ZFHX3: variants seen among roughly 807,000 people sequenced by gnomAD.
The protein encoded by ZFHX3 is zinc finger homeobox protein 3.
Under a neutral mutation model 279.1 loss-of-function variants are expected in ZFHX3, and 42 were observed. The ratio of observed to expected loss-of-function variants is 0.15; its 90% CI spans 0.12 to 0.19. ZFHX3 has a LOEUF of 0.19. Among genes scored for constraint, ZFHX3 ranks in the 10% least tolerant of loss-of-function variants. The pLI is 1.00. For missense variants in ZFHX3, 4,981 were observed against 4,754.0 expected (o/e 1.05, Z -1.40); for synonymous variants, 2,293 against 1,957.8 (o/e 1.17, Z -4.52).
At chr16:73,043,746 C>T (rs1039080700) in intron 1 of ZFHX3, among the ~76,000 whole-genome samples, 1 of 152,198 alleles carries the variant, frequency 6.6e-6, no homozygotes, top group African/African-American at 2.4e-5. Flanking sequence ...GCACCTCTGT[C>T]CTCAGTTTCT....
intron 3 of ZFHX3, among the ~76,000 whole-genome samples, chr16:73,453,981 T>C (rs2018327069): frequency 6.6e-6 from 1 of 152,048 alleles, no homozygotes; most frequent in Non-Finnish European, 1.5e-5. Context: ...ATTTGGGTGG[T>C]GAAACAGCCA....
intron 4 of ZFHX3, among the ~76,000 whole-genome samples, chr16:73,279,001 T>TG (rs1567438167): frequency 1.3e-5 from 2 of 152,220 alleles, no homozygotes. Context: ...TACTACTAAG[T>TG]GGGGGGCATC....
At chr16:73,700,542 T>C (rs185498457) in intron 1 of ZFHX3, among the ~76,000 whole-genome samples, 22 of 152,214 alleles carry the variant, frequency 1.4e-4, no homozygotes, top group Non-Finnish European at 2.8e-4. Context: ...AAGTCTATTA[T>C]GTAAATTCAC....
chr16:73,792,475 T>A (rs913577779), intron 1 of ZFHX3, among the ~76,000 whole-genome samples: 3 of 152,192 alleles, frequency 2.0e-5, no homozygotes, highest in African/African-American at 7.2e-5. Flanking sequence ...AAAAGACAAC[T>A]GTGGACAAAA....
intron 1 of ZFHX3, among the ~76,000 whole-genome samples, chr16:73,872,766 T>C (rs1466064153): frequency 1.6e-5 from 1 of 61,978 alleles, no homozygotes; most frequent in African/African-American, 7.6e-5. Context: ...GTGGTGGTGG[T>C]AGCTGGTGGA....
chr16:73,091,940 A>T (rs1966088650), intron 8 of ZFHX3, among the ~76,000 whole-genome samples: 1 of 152,236 alleles, frequency 6.6e-6, no homozygotes, highest in Non-Finnish European at 1.5e-5. Flanking sequence ...ACATATCCTT[A>T]ACTGCTCTTA....
chr16:73,419,852 C>G (rs2017681267), intron 3 of ZFHX3, among the ~76,000 whole-genome samples: 1 of 152,016 alleles, frequency 6.6e-6, no homozygotes, highest in African/African-American at 2.4e-5. Flanking sequence ...GTGGTTAATA[C>G]CTGCTTCTTG....
At chr16:72,932,653 CAAAAA>C (rs3079316) in intron 3 of ZFHX3, among the ~76,000 whole-genome samples, 5 of 103,220 alleles carry the variant, frequency 4.8e-5, no homozygotes, top group Admixed American at 3.1e-4. Context: ...TGCTCCGCAC[CAAAAA>C]AAAAAAAAAA....
chr16:73,661,290 C>A (rs1451135609), intron 2 of ZFHX3, among the ~76,000 whole-genome samples: 2 of 151,980 alleles, frequency 1.3e-5, no homozygotes, highest in African/African-American at 2.4e-5. Context: ...TTGTAAAAAA[C>A]AAACAAAAAA....
At chr16:73,403,207 T>C (rs1047654996) in intron 3 of ZFHX3, among the ~76,000 whole-genome samples, 1 of 152,082 alleles carries the variant, frequency 6.6e-6, no homozygotes, top group East Asian at 1.9e-4. Flanking sequence ...GTTGCAGTAA[T>C]TGGTTTGTTT....
intron 3 of ZFHX3, among the ~76,000 whole-genome samples, chr16:73,431,396 C>T (rs970332174): frequency 6.6e-6 from 1 of 151,962 alleles, no homozygotes; most frequent in South Asian, 2.1e-4. Context: ...AAAAATTAGC[C>T]GGGCTATGGT....
intron 1 of ZFHX3, among the ~76,000 whole-genome samples, chr16:73,802,966 C>A (rs901287569): frequency 6.6e-6 from 1 of 152,098 alleles, no homozygotes; most frequent in Admixed American, 6.6e-5. Context: ...CACAGGCACA[C>A]GCCACCACAC....
intron 2 of ZFHX3, among the ~76,000 whole-genome samples, chr16:73,514,798 G>A (rs1400318207): frequency 6.6e-6 from 1 of 152,074 alleles, no homozygotes; most frequent in African/African-American, 2.4e-5. Context: ...AGGGGTGGGT[G>A]GGCCGCTGAG....
intron 3 of ZFHX3, chr16:73,420,336 A>G (rs546897071): frequency 6.6e-6 from 1 of 152,358 alleles, no homozygotes; most frequent in South Asian, 2.1e-4. Context: ...GATTCATATT[A>G]GATAGTATCT....
intron 1 of ZFHX3, among the ~76,000 whole-genome samples, chr16:73,044,708 C>G (rs1399987503): frequency 6.6e-6 from 1 of 152,086 alleles, no homozygotes; most frequent in Non-Finnish European, 1.5e-5. Flanking sequence ...TGCAACCTCC[C>G]CCTCCCAGAT....
intron 3 of ZFHX3, among the ~76,000 whole-genome samples, chr16:73,331,114 TG>T (rs1192436975): frequency 2.6e-5 from 4 of 152,144 alleles, no homozygotes; most frequent in African/African-American, 9.7e-5. Context: ...ACAATCATGG[TG>T]GAAGGGGAAG....
intron 2 of ZFHX3, among the ~76,000 whole-genome samples, chr16:73,533,846 G>A (rs62044993): frequency 0.022 from 3,326 of 152,136 alleles, 52 homozygotes; most frequent in Middle Eastern, 0.034. Context: ...CCTCCTAAAT[G>A]TACACAGAAT....
intron 1 of ZFHX3, among the ~76,000 whole-genome samples, chr16:73,036,411 C>A (rs4788696): frequency 0.88 from 134,584 of 152,172 alleles, 59,734 homozygotes; most frequent in East Asian, 1. Flanking sequence ...TGCGCTCTGC[C>A]GCTTTGTGGG....
At chr16:73,038,304 C>G (rs1165538007) in intron 1 of ZFHX3, among the ~76,000 whole-genome samples, 1 of 152,180 alleles carries the variant, frequency 6.6e-6, no homozygotes, top group African/African-American at 2.4e-5. Flanking sequence ...GGGAGCTTCC[C>G]TAGAGATTAG....
Sources: allele counts gnomAD v4.1 joint callset (sites outside exome capture counted in the v4.1 genomes callset), GRCh38; gene constraint gnomAD v4.1.1; transcripts MANE v1.5; gene names NCBI Gene and HGNC (gene_info 2026-07-23, HGNC 2026-07-21).